SLC8A3: variants seen among roughly 807,000 people sequenced by gnomAD.
The protein encoded by SLC8A3 is solute carrier family 8 member A3, also known as sodium/calcium exchanger 3.
In SLC8A3, 37 loss-of-function variants were observed where a neutral mutation model predicts 65.4. The ratio of observed to expected loss-of-function variants is 0.57; its 90% CI spans 0.44 to 0.74. The LOEUF is 0.74. Ranked by LOEUF, SLC8A3 falls within the 30% of genes least tolerant of loss-of-function variation. The pLI is 0.00. For synonymous variants in SLC8A3, 461 were observed against 444.5 expected (o/e 1.04, Z -0.47); for missense variants, 1,112 against 1,172.1 (o/e 0.95, Z 0.75).
intron 6 of SLC8A3, chr14:70,048,545 C>T (rs1414052442): frequency 7.7e-6 from 5 of 647,066 alleles, no homozygotes; most frequent in Non-Finnish European, 1.4e-5. Flanking sequence ...GTGTAAATTG[C>T]TGAACACACA....
At chr14:70,187,639 G>GTGTGTGTGTC (rs775352761) in intron 1 of SLC8A3, among the ~76,000 whole-genome samples, 1 of 128,026 alleles carries the variant, frequency 7.8e-6, no homozygotes, top group Non-Finnish European at 1.7e-5. Context: ...GTGTGTGTGT[G>GTGTGTGTGTC]TCCGCGCGCG....
At chr14:70,128,817 G>C (rs1031735271) in intron 2 of SLC8A3, among the ~76,000 whole-genome samples, 2 of 152,126 alleles carry the variant, frequency 1.3e-5, no homozygotes, top group Non-Finnish European at 2.9e-5. Context: ...TTCCATGATA[G>C]GTGTAGGTAT....
intron 2 of SLC8A3, among the ~76,000 whole-genome samples, chr14:70,096,663 T>C (rs1892199281): frequency 6.6e-6 from 1 of 152,190 alleles, no homozygotes; most frequent in African/African-American, 2.4e-5. Flanking sequence ...GTATTTACAG[T>C]ACTCAGCTCA....
chr14:70,058,723 A>G (rs1407120203), intron 3 of SLC8A3, among the ~76,000 whole-genome samples: 2 of 152,202 alleles, frequency 1.3e-5, no homozygotes, highest in Non-Finnish European at 2.9e-5. Context: ...AGGGAGGCAT[A>G]AGAGAAGAGC....
At chr14:70,079,330 C>CAAAAAAAAA (rs11464342) in intron 2 of SLC8A3, among the ~76,000 whole-genome samples, 1,065 of 80,796 alleles carry the variant, frequency 0.013, no homozygotes, top group East Asian at 0.017. Context: ...CTAAAAAATA[C>CAAAAAAAAA]AAAAAAAAAA....
intron 2 of SLC8A3, among the ~76,000 whole-genome samples, chr14:70,068,549 T>A (rs572127106): frequency 6.6e-6 from 1 of 151,984 alleles, no homozygotes; most frequent in Non-Finnish European, 1.5e-5. Context: ...AGCTAATTTT[T>A]AAAAAATTAT....
intron 3 of SLC8A3, 45 bp from the exon 4 acceptor site, chr14:70,052,159 C>T: frequency 6.4e-7 from 1 of 1,555,304 alleles, no homozygotes; most frequent in Non-Finnish European, 8.7e-7. Context: ...CTTTTCCATT[C>T]CCTGGAAGGA....
chr14:70,060,470 G>T (rs1888660511), intron 3 of SLC8A3, among the ~76,000 whole-genome samples: 1 of 152,112 alleles, frequency 6.6e-6, no homozygotes, highest in Non-Finnish European at 1.5e-5. Flanking sequence ...TACAGTGTAG[G>T]GGTGGGGTGG....
chr14:70,133,156 G>A (rs1894962114), intron 2 of SLC8A3, among the ~76,000 whole-genome samples: 1 of 152,144 alleles, frequency 6.6e-6, no homozygotes, highest in Non-Finnish European at 1.5e-5. Flanking sequence ...ACCAAGGAAA[G>A]TTTGGCTTGG....
intron 2 of SLC8A3, among the ~76,000 whole-genome samples, chr14:70,094,293 A>C (rs1295910909): frequency 6.6e-6 from 1 of 152,250 alleles, no homozygotes. Context: ...AGTCAGACTC[A>C]GACTGTGAAA....
intron 2 of SLC8A3, among the ~76,000 whole-genome samples, chr14:70,157,104 C>A (rs1896617032): frequency 6.6e-6 from 1 of 152,140 alleles, no homozygotes; most frequent in Non-Finnish European, 1.5e-5. Context: ...GAGCTTGATG[C>A]ATTTGGGCTG....
intron 2 of SLC8A3, among the ~76,000 whole-genome samples, chr14:70,123,804 T>C (rs1894246742): frequency 6.6e-6 from 1 of 152,196 alleles, no homozygotes; most frequent in African/African-American, 2.4e-5. Context: ...AAAGTAGTGT[T>C]ATCCAACATT....
chr14:70,054,640 A>T (rs574976600), intron 3 of SLC8A3, among the ~76,000 whole-genome samples: 1 of 152,202 alleles, frequency 6.6e-6, no homozygotes, highest in South Asian at 2.1e-4. Context: ...AGAATGAAGA[A>T]CAGAGGGTTG....
chr14:70,054,166 G>C (rs918854868), intron 3 of SLC8A3, among the ~76,000 whole-genome samples: 9 of 152,036 alleles, frequency 5.9e-5, no homozygotes, highest in Non-Finnish European at 1.0e-4. Flanking sequence ...GAAGGACAAA[G>C]AGCTTGCCAG....
chr14:70,118,394 C>G, intron 2 of SLC8A3, among the ~76,000 whole-genome samples: 1 of 152,158 alleles, frequency 6.6e-6, no homozygotes, highest in Non-Finnish European at 1.5e-5. Context: ...CCCTTTACAC[C>G]AGAGGAACCT....
At position 70,166,876 on chromosome 14, in the gene SLC8A3, G is replaced by C. The variant is rs1365080219; in HGVS notation, c.1547C>G (p.Pro516Arg). 6.2e-7 allele frequency: 1 copy of C among 1,614,084 alleles called. No individual in the cohort carries two copies. Among genetic ancestry groups the C allele is most frequent in the East Asian group, 2.2e-5 (1 of 44,880 alleles). ...LPLPRAVLASPCVATVTILDD... is the reference protein window; with the variant it reads ...LPLPRAVLASRCVATVTILDD... Reference sequence around the variant, plus strand: ...CAAGATGGTAACTGTGGCCACACAAGGGGAGGCTAGGACAGCCCGAGGCAA... The same window carrying C: ...CAAGATGGTAACTGTGGCCACACAACGGGAGGCTAGGACAGCCCGAGGCAA... The change falls in exon 2 of 7, where the codon CCT (proline) becomes CGT (arginine). Residue 516 changes from proline (P) to arginine (R), a missense_variant. Pro to Arg is a moderately radical substitution (Grantham distance 103, BLOSUM62 -2). Transcript: ENST00000356921.
chr14:70,162,197 G>T (rs1032244744), intron 2 of SLC8A3, among the ~76,000 whole-genome samples: 4 of 152,176 alleles, frequency 2.6e-5, no homozygotes, highest in African/African-American at 7.2e-5. Flanking sequence ...TCTTTTTGAA[G>T]TTAACATTTT....
intron 2 of SLC8A3, among the ~76,000 whole-genome samples, chr14:70,156,756 G>A (rs1566817361): frequency 6.6e-6 from 1 of 152,162 alleles, no homozygotes. Context: ...AGCAGGGGAG[G>A]GGTGGGGAGG....
intron 3 of SLC8A3, among the ~76,000 whole-genome samples, 197 bp from the exon 4 acceptor site, chr14:70,052,311 T>C (rs1566734889): frequency 6.6e-6 from 1 of 152,224 alleles, no homozygotes; most frequent in Admixed American, 6.5e-5. Flanking sequence ...CCTTGCAGAC[T>C]GGGATAAGCG....
Sources: gnomAD v4.1 joint callset for allele counts (sites outside exome capture counted in the v4.1 genomes callset) on GRCh38, gnomAD v4.1.1 for gene constraint, MANE v1.5 for transcripts, NCBI Gene and HGNC (gene_info 2026-07-23, HGNC 2026-07-21) for gene names.